The following MIA3 variants were observed in gnomAD, a reference collection of about 807,000 sequenced individuals.
The protein encoded by MIA3 is MIA SH3 domain ER export factor 3.
Under a neutral mutation model 192.4 loss-of-function variants are expected in MIA3, and 90 were observed. That is an observed-to-expected ratio of 0.47 (90% confidence interval 0.39 to 0.56). MIA3 has a LOEUF of 0.56. Ranked by LOEUF, MIA3 falls within the 20% of genes least tolerant of loss-of-function variation. The probability of loss-of-function intolerance (pLI) is 0.00; values close to 1 mark genes in which losing one functional copy is unlikely to be tolerated. For missense variants in MIA3, 2,123 were observed against 2,269.4 expected, an observed-to-expected ratio of 0.94 and a Z score of 1.31; for synonymous variants, 740 against 792.8, an observed-to-expected ratio of 0.93 and a Z score of 1.12.
chr1:222,634,629 T>A (rs955678264), intron 6 of MIA3, among the ~76,000 whole-genome samples: 11 of 152,190 alleles, frequency 7.2e-5, no homozygotes, highest in Admixed American at 7.2e-4. Flanking sequence ...GGAATTGGAC[T>A]TTTTTTCTTG....
At chr1:222,655,889 C>G (rs993513816) in intron 18 of MIA3, among the ~76,000 whole-genome samples, 1 of 150,908 alleles carries the variant, frequency 6.6e-6, no homozygotes, top group East Asian at 1.9e-4. Flanking sequence ...CCTAAAGTCA[C>G]TGTGTTAATT....
chr1:222,630,138 A>C lies in MIA3; in HGVS notation c.2918A>C (p.Lys973Thr). ...GAGAGCCTGCCCTATAATATGGAAAAAGTCCTAGATAAGGTCTTCCGTGCT... is the reference window on the plus strand; with the variant it reads ...GAGAGCCTGCCCTATAATATGGAAACAGTCCTAGATAAGGTCTTCCGTGCT... ...QQESLPYNME[K>T]VLDKVFRASE... Residue 973 changes from lysine to threonine, a missense_variant, in exon 4 of 28, where the codon AAA (lysine) becomes ACA (threonine). Lys to Thr is a moderately conservative substitution (Grantham distance 78). This residue lies in a region of MIA3 where 1,357 missense variants were observed against 1,396.1 expected (regional missense o/e 0.97). Transcript: ENST00000344922. The C allele has an allele frequency of 3.7e-6, 6 of 1,614,228 alleles. No homozygotes were observed. The highest frequency in any genetic ancestry group is 5.1e-6 in the Non-Finnish European group (6 of 1,180,034).
intron 1 of MIA3, among the ~76,000 whole-genome samples, chr1:222,620,247 A>T (rs1661796560): frequency 6.6e-6 from 1 of 152,192 alleles, no homozygotes; most frequent in African/African-American, 2.4e-5. Flanking sequence ...TCTGCTATTT[A>T]GATGTATTTA....
intron 6 of MIA3, among the ~76,000 whole-genome samples, chr1:222,643,768 C>T (rs930749294): frequency 1.3e-5 from 2 of 152,100 alleles, no homozygotes; most frequent in African/African-American, 4.8e-5. Flanking sequence ...CCCTCCCCTT[C>T]CCCGCAGCCA....
At chr1:222,619,509 G>C (rs1275309248) in intron 1 of MIA3, among the ~76,000 whole-genome samples, 3 of 152,192 alleles carry the variant, frequency 2.0e-5, no homozygotes, top group Non-Finnish European at 4.4e-5. Context: ...CATTCCTAGA[G>C]ATAACCCTGT....
In MIA3 at chr1:222,621,207, G is replaced by T; in HGVS notation, c.182G>T (p.Cys61Phe). Reference sequence around the variant, plus strand: ...CTTGAAGATTTCACAGGCCCGGATTGTCGTTTTGTGAATTTTAAAAAAGGT... The same window carrying T: ...CTTGAAGATTTCACAGGCCCGGATTTTCGTTTTGTGAATTTTAAAAAAGGT... ...EALEDFTGPD[C>F]RFVNFKKGDP... The change falls in exon 2 of 28, where the codon TGT (cysteine) becomes TTT (phenylalanine). Residue 61 changes from cysteine (C) to phenylalanine (F), a missense_variant. By Grantham distance (205) the Cys-to-Phe change is radical. This residue lies in a region of MIA3 where 1,357 missense variants were observed against 1,396.1 expected (regional missense o/e 0.97). Coordinates refer to ENST00000344922, the MANE Select transcript of MIA3 (RefSeq NM_198551.4). 1 of 1,613,836 alleles carries T rather than the reference G, an allele frequency of 6.2e-7. No individual in the cohort carries two copies.
rs181861413 is a variant in MIA3 at position 222,621,202 on chromosome 1, G to A, written c.177G>A (p.Pro59=). Residue 59 remains proline, a synonymous_variant, in exon 2 of 28, where the codon CCG becomes CCA. Coordinates refer to ENST00000344922, the MANE Select transcript of MIA3 (RefSeq NM_198551.4). ...AGGCTCTTGAAGATTTCACAGGCCC[G>A]GATTGTCGTTTTGTGAATTTTAAAA... ...RGEALEDFTG[P]DCRFVNFKKG... 1.1e-5 allele frequency: 17 copies of A among 1,613,614 alleles called. No individual in the cohort carries two copies. In the East Asian group the frequency reaches 1.3e-4, roughly 13 times the overall value.
chr1:222,627,428 C>A, intron 3 of MIA3, 147 bp from the exon 4 acceptor site: 1 of 659,380 alleles, frequency 1.5e-6, no homozygotes, highest in East Asian at 2.7e-5. Flanking sequence ...CACCCACTGC[C>A]CAAGAACAGT....
intron 18 of MIA3, 130 bp downstream of exon 18, chr1:222,654,923 C>T (rs1663637973): frequency 2.3e-6 from 2 of 857,018 alleles, no homozygotes; most frequent in East Asian, 5.4e-5. Context: ...ATTTGTCTTT[C>T]TTTCTTTCTG....
intron 23 of MIA3, 64 bp from the exon 24 acceptor site, chr1:222,660,113 C>A: frequency 6.3e-7 from 1 of 1,594,438 alleles, no homozygotes; most frequent in Non-Finnish European, 8.5e-7. Flanking sequence ...TAGGAATAAT[C>A]CCAAGAACTG....
chr1:222,652,328 A>C lies in MIA3; in HGVS notation c.4082A>C (p.Glu1361Ala), dbSNP rs1337900573. 2 of 1,609,250 alleles carry C rather than the reference A, an allele frequency of 1.2e-6. No homozygotes were observed. Among genetic ancestry groups the C allele is most frequent in the Non-Finnish European group, 1.7e-6 (2 of 1,175,634 alleles). ...EENARLKKKK[E>A]QLQQEIEDWS... Reference sequence around the variant, plus strand: ...AATGCTAGGCTTAAGAAGAAAAAAGAGCAGGTAAAGGAAAGTGCGTGTCCC... The same window carrying C: ...AATGCTAGGCTTAAGAAGAAAAAAGCGCAGGTAAAGGAAAGTGCGTGTCCC... The change falls in exon 13 of 28, where the codon GAG (glutamate) becomes GCG (alanine). Residue 1361 changes from glutamate to alanine, a missense_variant. Physicochemically the swap from Glu to Ala is moderately radical, Grantham distance 107 (BLOSUM62 -1). Transcript: ENST00000344922.
At position 222,658,745 on chromosome 1, in the gene MIA3, A is replaced by T; in HGVS notation, c.4631A>T (p.Glu1544Val). ...AGGAAACTGAGTCAAGAAGAGTATGAACGGCAAGAAAGAGAGCACAGGCTG... is the reference window on the plus strand; with the variant it reads ...AGGAAACTGAGTCAAGAAGAGTATGTACGGCAAGAAAGAGAGCACAGGCTG... ...LQKKLSQEEY[E>V]RQEREHRLSA... The change falls in exon 19 of 28, where the codon GAA becomes GTA. Residue 1544 changes from glutamate (E) to valine (V), a missense_variant. By Grantham distance (121) the Glu-to-Val change is moderately radical. Coordinates refer to ENST00000344922, the MANE Select transcript of MIA3 (RefSeq NM_198551.4). 6.2e-7 allele frequency: 1 copy of T among 1,612,136 alleles called. No homozygotes were observed. The highest frequency in any genetic ancestry group is 1.1e-5 in the South Asian group (1 of 90,828).
At chr1:222,631,495 T>C (rs1662397324) in intron 4 of MIA3, among the ~76,000 whole-genome samples, 2 of 152,168 alleles carry the variant, frequency 1.3e-5, no homozygotes, top group Admixed American at 6.5e-5. Flanking sequence ...AACGTATTAC[T>C]CCAGAGTGCT....
intron 3 of MIA3, among the ~76,000 whole-genome samples, chr1:222,626,545 T>C (rs1571862957): frequency 6.6e-6 from 1 of 152,246 alleles, no homozygotes. Context: ...CATCATTTTA[T>C]GGCTCCTTGT....
chr1:222,664,786 A>C, intron 27 of MIA3: 1 of 246,060 alleles, frequency 4.1e-6, no homozygotes. Context: ...AGTTAATGGA[A>C]TTTATCAAAA....
rs74822125 is a variant in MIA3, at chr1:222,666,074, G to C, written c.*455G>C. ...GTTACGCTAAAAATGTTTACTAAAA[G>C]ATCACTAAACTATCTCCCCTCTTGC... On this transcript the variant is annotated 3_prime_UTR_variant, in exon 28 of 28. Coordinates refer to ENST00000344922, the MANE Select transcript of MIA3 (RefSeq NM_198551.4). 0.021 allele frequency: 3,258 copies of C among 152,596 alleles called. 116 individuals are homozygous for C. The highest frequency in any genetic ancestry group is 0.075 in the African/African-American group (3,096 of 41,508). The allele number at this position is 152,596 out of a possible 1,614,324, so 9.5% of individuals were successfully genotyped here. A position where few individuals can be genotyped will look rare whatever the true frequency, so the allele number is the denominator to read the frequency against.
intron 27 of MIA3, chr1:222,664,768 T>A: frequency 4.5e-6 from 1 of 222,764 alleles, no homozygotes. Context: ...TTTTAACTGA[T>A]ACACAGTAGT....
intron 15 of MIA3, 110 bp from the exon 16 acceptor site, chr1:222,654,133 T>C: frequency 9.6e-7 from 1 of 1,042,992 alleles, no homozygotes; most frequent in Non-Finnish European, 1.4e-6. Flanking sequence ...TTTTGTTTGT[T>C]CTTTAAATGT....
In MIA3 at chr1:222,648,813, T is replaced by A. The variant is rs1383575977; in HGVS notation, c.3610-16T>A. 3.0e-6 allele frequency: 4 copies of A among 1,343,656 alleles called. No homozygotes were observed. Among genetic ancestry groups the A allele is most frequent in the Non-Finnish European group, 4.2e-6 (4 of 944,208 alleles). The allele number at this position is 1,343,656 out of a possible 1,614,324, so 83.2% of individuals were successfully genotyped here. A position where few individuals can be genotyped will look rare whatever the true frequency, so the allele number is the denominator to read the frequency against. ...AAATGTTTGACATCAAATTTAATTT[T>A]ATTTCTCTTTTCTAGGTGAAGGATA... On this transcript the variant is annotated splice_polypyrimidine_tract_variant and intron_variant, in intron 7 of 27. Transcript: ENST00000344922.
Sources: gnomAD v4.1 joint callset for allele counts (sites outside exome capture counted in the v4.1 genomes callset) on GRCh38, gnomAD v4.1.1 for gene constraint, gnomAD v4.1.1 regional missense constraint, MANE v1.5 for transcripts, NCBI Gene and HGNC (gene_info 2026-07-23, HGNC 2026-07-21) for gene names.